MRPL39: variants seen among roughly 807,000 people sequenced by gnomAD.
MRPL39 encodes the protein mitochondrial ribosomal protein L39.
MRPL39 carries 35 observed loss-of-function variants against 44.5 expected under a neutral mutation model. That is an observed-to-expected ratio of 0.79 (90% CI 0.60 to 1.04). MRPL39 has a LOEUF of 1.04. MRPL39 is among the 50% of genes least tolerant of loss of function. The pLI is 0.00. For synonymous variants in MRPL39, 139 were observed against 136.1 expected (o/e 1.02, Z -0.15); for missense variants, 433 against 413.5 (o/e 1.05, Z -0.41).
intron 8 of MRPL39, among the ~76,000 whole-genome samples, chr21:25,590,417 T>C (rs1304725088): frequency 1.3e-5 from 2 of 151,412 alleles, no homozygotes; most frequent in African/African-American, 2.4e-5. Context: ...AACCTCATAA[T>C]GTTTTAAGAA....
At chr21:25,602,050 C>A (rs1270562156) in intron 3 of MRPL39, among the ~76,000 whole-genome samples, 1 of 152,164 alleles carries the variant, frequency 6.6e-6, no homozygotes, top group Non-Finnish European at 1.5e-5. Flanking sequence ...GAAACCTGCA[C>A]CATACCTGTC....
intron 4 of MRPL39, among the ~76,000 whole-genome samples, chr21:25,601,023 G>T (rs2031506776): frequency 6.6e-6 from 1 of 152,174 alleles, no homozygotes; most frequent in Non-Finnish European, 1.5e-5. Flanking sequence ...CGGGAGAATG[G>T]TGTGAACCCC....
intron 1 of MRPL39, among the ~76,000 whole-genome samples, chr21:25,606,917 T>C (rs1425544799): frequency 6.6e-6 from 1 of 152,198 alleles, no homozygotes; most frequent in East Asian, 1.9e-4. Context: ...GAGTCAAAAC[T>C]GGACTAGAGT....
At chr21:25,600,599 G>A (rs1024996470) in intron 4 of MRPL39, among the ~76,000 whole-genome samples, 7 of 149,598 alleles carry the variant, frequency 4.7e-5, no homozygotes, top group East Asian at 2.0e-4. Flanking sequence ...AATTTGACAC[G>A]TGATCCTACC....
chr21:25,588,081 G>C (rs567910382), intron 9 of MRPL39, among the ~76,000 whole-genome samples: 2 of 152,180 alleles, frequency 1.3e-5, no homozygotes, highest in Admixed American at 6.5e-5. Context: ...GGAGGCTGAG[G>C]GGGGTGGATC....
intron 5 of MRPL39, among the ~76,000 whole-genome samples, chr21:25,598,859 A>AGG (rs1568864244): frequency 0.042 from 790 of 18,742 alleles, 30 homozygotes; most frequent in Admixed American, 0.24. Context: ...CTAAGGGGAA[A>AGG]AAAAAAAAAA....
chr21:25,595,290 T>C (rs1164366191), intron 6 of MRPL39, among the ~76,000 whole-genome samples: 6 of 152,064 alleles, frequency 3.9e-5, no homozygotes, highest in Admixed American at 2.0e-4. Context: ...TACTTATCCC[T>C]CCTGACCCAC....
chr21:25,592,773 A>G (rs371779608), intron 8 of MRPL39, 39 bp downstream of exon 8: 85 of 1,480,408 alleles, frequency 5.7e-5, no homozygotes, highest in Non-Finnish European at 7.8e-5. Flanking sequence ...TTATATCTAT[A>G]CCCAAATTGG....
At chr21:25,587,715 A>G in intron 9 of MRPL39, 1 of 1,607,448 alleles carries the variant, frequency 6.2e-7, no homozygotes. Flanking sequence ...AGACTGTTCC[A>G]TGGAGGAGGT....
At chr21:25,588,085 G>A (rs1430672242) in intron 9 of MRPL39, among the ~76,000 whole-genome samples, 1 of 152,174 alleles carries the variant, frequency 6.6e-6, no homozygotes, top group East Asian at 1.9e-4. Context: ...GCTGAGGGGG[G>A]TGGATCACGA....
chr21:25,587,752 G>A, intron 9 of MRPL39: 1 of 1,613,366 alleles, frequency 6.2e-7, no homozygotes, highest in Non-Finnish European at 8.5e-7. Flanking sequence ...AGTGAAGAAT[G>A]ACTGCGTAGT....
intron 6 of MRPL39, among the ~76,000 whole-genome samples, chr21:25,596,185 G>A (rs9977118): frequency 0.71 from 107,230 of 151,292 alleles, 39,209 homozygotes; most frequent in Non-Finnish European, 0.82. Flanking sequence ...TGCAAGCTCC[G>A]CCTCCCGGGT....
intron 8 of MRPL39, among the ~76,000 whole-genome samples, chr21:25,589,494 T>G (rs1240423778): frequency 6.6e-6 from 1 of 151,672 alleles, no homozygotes; most frequent in East Asian, 1.9e-4. Context: ...CTCAGCTCAC[T>G]GCAACCTCCG....
chr21:25,594,722 A>T (rs1455985490), intron 6 of MRPL39, among the ~76,000 whole-genome samples: 1 of 152,062 alleles, frequency 6.6e-6, no homozygotes, highest in African/African-American at 2.4e-5. Context: ...TGTATGTCCT[A>T]TATCTCTGCT....
At chr21:25,589,782 C>T (rs2031113786) in intron 8 of MRPL39, among the ~76,000 whole-genome samples, 1 of 151,090 alleles carries the variant, frequency 6.6e-6, no homozygotes, top group Admixed American at 6.6e-5. Context: ...ACAAACCCTT[C>T]CAGGGAAAGA....
In MRPL39 at chr21:25,601,421, C is replaced by T; in HGVS notation, c.467G>A (p.Arg156Lys). 6.2e-7 allele frequency: 1 copy of T among 1,610,506 alleles called. No individual in the cohort carries two copies. The highest frequency in any genetic ancestry group is 1.1e-5 in the South Asian group (1 of 90,640). ...GACCATATATTCATCTTTGAATGCC[C>T]TCTCTATCACACAGCCCATCATCAT... ...CAMMMGCVIERAFKDEYMVNL... is the reference protein window; with the variant it reads ...CAMMMGCVIEKAFKDEYMVNL... The change falls in exon 4 of 10, where the codon AGG becomes AAG. Residue 156 changes from arginine to lysine, a missense_variant. Physicochemically the swap from Arg to Lys is conservative, Grantham distance 26 (BLOSUM62 2). Coordinates refer to ENST00000352957, the MANE Select transcript of MRPL39 (RefSeq NM_017446.4).
At chr21:25,592,550 T>G (rs917934883) in intron 8 of MRPL39, among the ~76,000 whole-genome samples, 1 of 152,082 alleles carries the variant, frequency 6.6e-6, no homozygotes, top group Non-Finnish European at 1.5e-5. Context: ...ATACCCCCTC[T>G]GTCAATGTAC....
intron 6 of MRPL39, among the ~76,000 whole-genome samples, chr21:25,596,205 TCTC>T (rs1163679593): frequency 6.6e-6 from 1 of 152,130 alleles, no homozygotes; most frequent in East Asian, 1.9e-4. Flanking sequence ...TTCACGCCAT[TCTC>T]CTGCCTCAGC....
At chr21:25,586,641 C>G (rs2123219728) in intron 9 of MRPL39, among the ~76,000 whole-genome samples, 1 of 152,308 alleles carries the variant, frequency 6.6e-6, no homozygotes, top group African/African-American at 2.4e-5. Context: ...GACTCTTTAC[C>G]TATCCTACAT....
Sources: allele counts gnomAD v4.1 joint callset (sites outside exome capture counted in the v4.1 genomes callset), GRCh38; gene constraint gnomAD v4.1.1; transcripts MANE v1.5; gene names NCBI Gene and HGNC (gene_info 2026-07-23, HGNC 2026-07-21).